Variants in RYR2 observed in about 807,000 individuals in gnomAD.
The protein encoded by RYR2 is ryanodine receptor 2, also known as cardiac muscle ryanodine receptor-calcium release channel.
In RYR2, 227 loss-of-function variants were observed where a neutral mutation model predicts 601.1. The ratio of observed to expected loss-of-function variants is 0.38; its 90% confidence interval spans 0.34 to 0.42. The LOEUF is 0.42. Among genes scored for constraint, RYR2 ranks in the 10% least tolerant of loss-of-function variants. RYR2 has a pLI of 1.00. For synonymous variants in RYR2, 2,223 were observed against 2,175.1 expected, an observed-to-expected ratio of 1.02 and a Z score of -0.61; for missense variants, 4,646 against 6,156.5, an observed-to-expected ratio of 0.75 and a Z score of 8.21.
chr1:237,056,144 G>A (rs541137111), intron 1 of RYR2, among the ~76,000 whole-genome samples: 20 of 147,130 alleles, frequency 1.4e-4, no homozygotes, highest in African/African-American at 4.3e-4. Flanking sequence ...CTGGAGCATC[G>A]CACCTGTGAG....
At chr1:237,494,941 C>CG (rs1663882753) in intron 19 of RYR2, among the ~76,000 whole-genome samples, 3 of 152,032 alleles carry the variant, frequency 2.0e-5, no homozygotes, top group Non-Finnish European at 4.4e-5. Context: ...CAGGTGCACA[C>CG]CACCACACCC....
At chr1:237,449,093 G>A (rs1657750288) in intron 14 of RYR2, among the ~76,000 whole-genome samples, 1 of 152,030 alleles carries the variant, frequency 6.6e-6, no homozygotes, top group Non-Finnish European at 1.5e-5. Context: ...CCCTTACACG[G>A]GAGCGTGAGA....
chr1:237,630,947 A>G (rs1419832552), intron 41 of RYR2, among the ~76,000 whole-genome samples: 3 of 152,188 alleles, frequency 2.0e-5, no homozygotes, highest in African/African-American at 7.2e-5. Flanking sequence ...TATGAATGCA[A>G]TAAGAAATAA....
intron 19 of RYR2, 78 bp downstream of exon 19, chr1:237,493,165 T>G (rs901780098): frequency 2.6e-6 from 4 of 1,514,074 alleles, no homozygotes; most frequent in Non-Finnish European, 3.6e-6. Flanking sequence ...GCTGATACTA[T>G]ATGGTCTGTT....
intron 1 of RYR2, among the ~76,000 whole-genome samples, chr1:237,107,979 C>A (rs540335497): frequency 1.3e-5 from 2 of 152,272 alleles, no homozygotes; most frequent in African/African-American, 4.8e-5. Flanking sequence ...TAAAAAGGTT[C>A]CGGTCCTGAG....
chr1:237,495,032 G>A (rs553001426), intron 19 of RYR2, among the ~76,000 whole-genome samples: 32 of 152,084 alleles, frequency 2.1e-4, no homozygotes, highest in Admixed American at 1.4e-3. Context: ...CTTGTGATCC[G>A]CCCGCCTTAG....
chr1:237,519,911 T>A (rs940618184), intron 24 of RYR2, among the ~76,000 whole-genome samples: 2 of 146,220 alleles, frequency 1.4e-5, no homozygotes, highest in African/African-American at 4.9e-5. Context: ...AGATTTTTGA[T>A]CATGGGCTGT....
intron 55 of RYR2, 133 bp downstream of exon 55, chr1:237,660,207 T>TAA (rs140488327): frequency 3.2e-4 from 133 of 414,838 alleles, no homozygotes; most frequent in African/African-American, 1.4e-3. Context: ...AGGTCCCGTT[T>TAA]AAAAAAAAAA....
At chr1:237,270,111 T>C (rs967136086) in intron 1 of RYR2, among the ~76,000 whole-genome samples, 2 of 152,238 alleles carry the variant, frequency 1.3e-5, no homozygotes, top group Admixed American at 1.3e-4. Context: ...CCGTTCTTGA[T>C]GATACTTGGT....
intron 3 of RYR2, among the ~76,000 whole-genome samples, chr1:237,344,606 A>G (rs571538769): frequency 6.6e-6 from 1 of 152,258 alleles, no homozygotes; most frequent in South Asian, 2.1e-4. Context: ...GCTCCCAGCC[A>G]GAAGTAATAT....
chr1:237,607,331 A>C (rs888577497), intron 35 of RYR2, among the ~76,000 whole-genome samples: 1 of 151,384 alleles, frequency 6.6e-6, no homozygotes, highest in Non-Finnish European at 1.5e-5. Flanking sequence ...AGGACAAAAA[A>C]CCACACACCG....
At chr1:237,364,976 GAA>G (rs1272004648) in intron 5 of RYR2, among the ~76,000 whole-genome samples, 1 of 152,144 alleles carries the variant, frequency 6.6e-6, no homozygotes, top group Non-Finnish European at 1.5e-5. Flanking sequence ...GTAGACAAAT[GAA>G]AAGAGTAAAG....
chr1:237,500,665 G>A, intron 20 of RYR2, 46 bp from the exon 21 acceptor site: 1 of 1,499,382 alleles, frequency 6.7e-7, no homozygotes. Context: ...CTGATTCTCT[G>A]AGATAAAAAA....
chr1:237,623,995 T>C, intron 39 of RYR2, 125 bp downstream of exon 39: 3 of 661,720 alleles, frequency 4.5e-6, no homozygotes, highest in African/African-American at 1.8e-5. Context: ...GAAAGTTATA[T>C]AAAAACATTT....
At chr1:237,337,176 C>T (rs778287445) in intron 3 of RYR2, among the ~76,000 whole-genome samples, 8 of 149,132 alleles carry the variant, frequency 5.4e-5, no homozygotes, top group South Asian at 2.1e-4. Flanking sequence ...CACTTGAACC[C>T]GGGAGGCGGA....
intron 94 of RYR2, among the ~76,000 whole-genome samples, chr1:237,793,056 A>C (rs1658655942): frequency 6.6e-6 from 1 of 152,080 alleles, no homozygotes; most frequent in Admixed American, 6.5e-5. Context: ...ACCTGTCCAA[A>C]CCTCTTTATC....
chr1:237,164,170 CCAGT>C (rs1455593025), intron 1 of RYR2, among the ~76,000 whole-genome samples: 3 of 152,132 alleles, frequency 2.0e-5, no homozygotes, highest in African/African-American at 7.2e-5. Context: ...GCCTGTAGTC[CCAGT>C]CAGTCAGGTG....
At chr1:237,081,280 T>TAA (rs397815900) in intron 1 of RYR2, among the ~76,000 whole-genome samples, 797 of 56,262 alleles carry the variant, frequency 0.014, 8 homozygotes, top group African/African-American at 0.034. Flanking sequence ...TAGAGTATAA[T>TAA]AAAAAAAAAA....
At chr1:237,314,705 G>A (rs1354256565) in intron 2 of RYR2, among the ~76,000 whole-genome samples, 4 of 152,162 alleles carry the variant, frequency 2.6e-5, no homozygotes, top group African/African-American at 4.8e-5. Flanking sequence ...CTTTCCTGAA[G>A]TCCGTGATAT....
Sources: gnomAD v4.1 joint callset for allele counts (sites outside exome capture counted in the v4.1 genomes callset) on GRCh38, gnomAD v4.1.1 for gene constraint, MANE v1.5 for transcripts, NCBI Gene and HGNC (gene_info 2026-07-23, HGNC 2026-07-21) for gene names.